Variants in GALNTL6 observed in about 807,000 individuals in gnomAD.
GALNTL6 encodes the protein polypeptide N-acetylgalactosaminyltransferase like 6, also known as polypeptide N-acetylgalactosaminyltransferase-like 6.
Under a neutral mutation model 73.7 loss-of-function variants are expected in GALNTL6, and 46 were observed. The ratio of observed to expected loss-of-function variants is 0.62; its 90% CI spans 0.49 to 0.80. The LOEUF is 0.80. GALNTL6 is among the 30% of genes least tolerant of loss of function. GALNTL6 has a pLI of 0.00. For synonymous variants in GALNTL6, 259 were observed against 263.7 expected (o/e 0.98, Z 0.17); for missense variants, 604 against 755.0 (o/e 0.80, Z 2.34).
chr4:172,012,199 G>T (rs905141695), intron 2 of GALNTL6, among the ~76,000 whole-genome samples: 1 of 152,030 alleles, frequency 6.6e-6, no homozygotes, highest in African/African-American at 2.4e-5. Flanking sequence ...GTCTTCTCCT[G>T]CAGGCACAAG....
chr4:173,008,101 G>A (rs1695900657), intron 10 of GALNTL6, among the ~76,000 whole-genome samples: 1 of 152,146 alleles, frequency 6.6e-6, no homozygotes, highest in African/African-American at 2.4e-5. Flanking sequence ...CAAAAGCAAT[G>A]CTAAACTATG....
chr4:172,131,820 A>C (rs1733507474), intron 2 of GALNTL6, among the ~76,000 whole-genome samples: 1 of 151,894 alleles, frequency 6.6e-6, no homozygotes, highest in Non-Finnish European at 1.5e-5. Context: ...CATTGCACAC[A>C]CTAGATGCAT....
At position 173,040,377 on chromosome 4, in the gene GALNTL6, A is replaced by G; in HGVS notation, c.*277A>G. 2.6e-6 allele frequency: 1 copy of G among 391,862 alleles called. No homozygotes were observed. Among genetic ancestry groups the G allele is most frequent in the Non-Finnish European group, 4.6e-6 (1 of 218,444 alleles). 24.3% of individuals were successfully genotyped at this position (391,862 alleles called of 1,614,324 possible). ...TAGGGACTTTTCAAAACAACTGCTG[A>G]GCTAATAAATCCTAGCATTTCTCAG... On this transcript the variant is annotated 3_prime_UTR_variant, in exon 13 of 13. Transcript: ENST00000506823.
intron 2 of GALNTL6, among the ~76,000 whole-genome samples, chr4:172,149,234 C>T (rs945590094): frequency 6.6e-6 from 1 of 152,020 alleles, no homozygotes; most frequent in Non-Finnish European, 1.5e-5. Context: ...TATAACAGAC[C>T]AGTTCTTTTC....
intron 11 of GALNTL6, among the ~76,000 whole-genome samples, chr4:173,015,089 G>A (rs1752722155): frequency 6.6e-6 from 1 of 152,176 alleles, no homozygotes; most frequent in Non-Finnish European, 1.5e-5. Flanking sequence ...CTGCCGCCAT[G>A]TGACGATGGA....
intron 2 of GALNTL6, among the ~76,000 whole-genome samples, chr4:171,972,116 C>T (rs1302208126): frequency 1.3e-5 from 2 of 152,128 alleles, no homozygotes; most frequent in Non-Finnish European, 2.9e-5. Flanking sequence ...GTTAATATCC[C>T]GTTGTCCAAA....
At chr4:172,881,213 G>A (rs373558565) in intron 7 of GALNTL6, among the ~76,000 whole-genome samples, 1 of 152,194 alleles carries the variant, frequency 6.6e-6, no homozygotes, top group East Asian at 1.9e-4. Flanking sequence ...TACAATCCTA[G>A]TTTGTTGCAG....
intron 2 of GALNTL6, among the ~76,000 whole-genome samples, chr4:172,132,291 A>G (rs1325493082): frequency 1.3e-5 from 2 of 152,124 alleles, no homozygotes; most frequent in Non-Finnish European, 2.9e-5. Context: ...GTAGTATTTG[A>G]AAACACCCAA....
At chr4:172,481,598 A>G (rs1733476954) in intron 5 of GALNTL6, among the ~76,000 whole-genome samples, 2 of 150,580 alleles carry the variant, frequency 1.3e-5, no homozygotes, top group African/African-American at 4.8e-5. Context: ...TGGTGTGTTT[A>G]CAATCCCTGA....
intron 5 of GALNTL6, among the ~76,000 whole-genome samples, chr4:172,686,242 A>T (rs1215193922): frequency 6.6e-6 from 1 of 151,912 alleles, no homozygotes; most frequent in Non-Finnish European, 1.5e-5. Flanking sequence ...TCCCTCTGGG[A>T]TCCCATCCTC....
chr4:172,249,034 A>G (rs539158187), intron 3 of GALNTL6, among the ~76,000 whole-genome samples: 31 of 152,190 alleles, frequency 2.0e-4, no homozygotes, highest in Non-Finnish European at 3.5e-4. Flanking sequence ...TGTGAAAGTG[A>G]CTTTGGAACT....
intron 2 of GALNTL6, among the ~76,000 whole-genome samples, chr4:172,181,442 A>T (rs1735239579): frequency 6.6e-6 from 1 of 152,060 alleles, no homozygotes; most frequent in Non-Finnish European, 1.5e-5. Flanking sequence ...TCTCAATAAC[A>T]TATCTCAAAA....
chr4:172,184,375 T>A (rs1735354012), intron 2 of GALNTL6, among the ~76,000 whole-genome samples: 1 of 152,196 alleles, frequency 6.6e-6, no homozygotes, highest in African/African-American at 2.4e-5. Context: ...GCTCATGCCC[T>A]CTGATGTATT....
rs192895508 is a variant in GALNTL6, at chr4:172,038,587, T to G, written c.139-191069T>G. Among the ~76,000 whole-genome samples the G allele has an allele frequency of 2.5e-3, 383 of 152,284 alleles. 3 individuals carry two copies. Among genetic ancestry groups the G allele is most frequent in the African/African-American group, 8.9e-3 (369 of 41,570 alleles). ...GCTGCTAGCTCTTTAGTCCACAAATTAATACATTAAATAATAGATATGCAT... is the reference window on the plus strand; with the variant it reads ...GCTGCTAGCTCTTTAGTCCACAAATGAATACATTAAATAATAGATATGCAT... On this transcript the variant is annotated intron_variant, in intron 2 of 12. Transcript: ENST00000506823.
intron 2 of GALNTL6, among the ~76,000 whole-genome samples, chr4:172,183,802 T>C (rs1305584978): frequency 6.6e-6 from 1 of 151,208 alleles, no homozygotes; most frequent in Non-Finnish European, 1.5e-5. Flanking sequence ...GACTTTTTTT[T>C]TTTTTTTTTG....
intron 2 of GALNTL6, among the ~76,000 whole-genome samples, chr4:171,924,560 T>C (rs1435624377): frequency 2.6e-5 from 4 of 152,190 alleles, no homozygotes; most frequent in Non-Finnish European, 5.9e-5. Context: ...TAATTATCTA[T>C]GTATCTGCCC....
chr4:171,958,669 T>C (rs937886663), intron 2 of GALNTL6, among the ~76,000 whole-genome samples: 1 of 152,122 alleles, frequency 6.6e-6, no homozygotes, highest in African/African-American at 2.4e-5. Context: ...TACTCCCATA[T>C]CAACTATGAT....
At chr4:171,996,128 A>G (rs935795400) in intron 2 of GALNTL6, among the ~76,000 whole-genome samples, 2 of 152,132 alleles carry the variant, frequency 1.3e-5, no homozygotes, top group African/African-American at 4.8e-5. Flanking sequence ...TACACTTAAC[A>G]TTAAGTGGGT....
intron 10 of GALNTL6, among the ~76,000 whole-genome samples, chr4:172,983,497 C>T (rs564041819): frequency 4.3e-4 from 66 of 152,278 alleles, no homozygotes; most frequent in African/African-American, 1.5e-3. Context: ...GAGTTTGAGA[C>T]CAGCCTGGCC....
Sources: gnomAD v4.1 joint callset for allele counts (sites outside exome capture counted in the v4.1 genomes callset) on GRCh38, gnomAD v4.1.1 for gene constraint, MANE v1.5 for transcripts, NCBI Gene and HGNC (gene_info 2026-07-23, HGNC 2026-07-21) for gene names.